Variants in HADHA observed in about 807,000 individuals in gnomAD.
The protein encoded by HADHA is trifunctional enzyme subunit alpha, mitochondrial.
HADHA carries 59 observed loss-of-function variants against 91.3 expected under a neutral mutation model. That is an observed-to-expected ratio of 0.65 (90% CI 0.52 to 0.80). HADHA has a LOEUF of 0.80. Ranked by LOEUF, HADHA falls within the 30% of genes least tolerant of loss-of-function variation. The probability of loss-of-function intolerance (pLI) is 0.00; values close to 1 mark genes in which losing one functional copy is unlikely to be tolerated. For synonymous variants in HADHA, 320 were observed against 338.9 expected (o/e 0.94, Z 0.61); for missense variants, 800 against 927.6 (o/e 0.86, Z 1.79).
chr2:26,244,172 A>C (rs1433493083), intron 1 of HADHA, among the ~76,000 whole-genome samples: 18 of 152,274 alleles, frequency 1.2e-4, no homozygotes, highest in Admixed American at 1.2e-3. Flanking sequence ...CTGTGGAGCC[A>C]CAAAGATGCG....
intron 13 of HADHA, among the ~76,000 whole-genome samples, chr2:26,198,227 C>T (rs114491034): frequency 0.018 from 2,741 of 152,210 alleles, 83 homozygotes; most frequent in African/African-American, 0.061. Context: ...TCATTTTATA[C>T]AGTGTGTTAC....
chr2:26,192,511 G>A, intron 17 of HADHA, 87 bp from the exon 18 acceptor site: 3 of 810,016 alleles, frequency 3.7e-6, no homozygotes, highest in Non-Finnish European at 6.5e-6. Flanking sequence ...GCCTGGCCAG[G>A]CGTGGTGGCT....
chr2:26,235,435 A>C (rs1167488257), intron 4 of HADHA: 1 of 152,242 alleles, frequency 6.6e-6, no homozygotes, highest in Non-Finnish European at 1.5e-5. Context: ...CTTTTGACCA[A>C]GGATAACTAG....
At chr2:26,228,047 A>G (rs1186027286) in intron 7 of HADHA, among the ~76,000 whole-genome samples, 1 of 151,794 alleles carries the variant, frequency 6.6e-6, no homozygotes, top group Non-Finnish European at 1.5e-5. Flanking sequence ...TTTTTTTTTC[A>G]AAAGCTAATA....
chr2:26,203,470 T>G (rs1484866444), intron 12 of HADHA, among the ~76,000 whole-genome samples: 1 of 152,132 alleles, frequency 6.6e-6, no homozygotes, highest in African/African-American at 2.4e-5. Flanking sequence ...GGGAATAATA[T>G]TCCCCCTTTA....
rs1011911916 is a variant in HADHA at position 26,219,616 on chromosome 2, C to T, written c.677-4441G>A. Among the ~76,000 whole-genome samples, 3 of 152,320 alleles carry T rather than the reference C, an allele frequency of 2.0e-5. No homozygotes were observed. In the East Asian group the frequency reaches 5.8e-4, roughly 29 times the overall value. The stretch of plus-strand genomic sequence containing the variant: ...AGGTCAGAAATTACAGTGGGAACTG[C>T]TACCATCAACTGGGATCCCTAAATG... On this transcript the variant is annotated intron_variant, in intron 7 of 19. Transcript: ENST00000380649.
intron 7 of HADHA, among the ~76,000 whole-genome samples, chr2:26,222,016 A>C (rs1449500901): frequency 6.6e-6 from 1 of 152,134 alleles, no homozygotes; most frequent in Non-Finnish European, 1.5e-5. Flanking sequence ...TGTCCCCCCT[A>C]CCTCATTCAT....
chr2:26,219,020 A>AG (rs1237478949), intron 7 of HADHA, among the ~76,000 whole-genome samples: 51 of 151,008 alleles, frequency 3.4e-4, no homozygotes, highest in Admixed American at 5.3e-4. Context: ...AAAAAAAAAA[A>AG]AAAGAAAGAA....
chr2:26,231,738 G>A (rs1001013296), intron 6 of HADHA, among the ~76,000 whole-genome samples: 41 of 151,904 alleles, frequency 2.7e-4, no homozygotes, highest in African/African-American at 8.5e-4. Context: ...AGGCTGAGGC[G>A]GGAGGATTAC....
rs770306077 is a variant in HADHA, at chr2:26,201,188, G to A, written c.1353C>T (p.Asp451=). 38 of 1,613,834 alleles carry A rather than the reference G, an allele frequency of 2.4e-5. No individual in the cohort carries two copies. Among genetic ancestry groups the A allele is most frequent in the African/African-American group, 4.0e-5 (3 of 75,020 alleles). The part of the protein sequence containing the change: ...ADMVIEAVFE[D]LSLKHRVLKE... The stretch of plus-strand genomic sequence containing the variant: ...TTAGCACTCTGTGCTTAAGACTAAG[G>A]TCCTCAAACACAGCTTCAATCACCA... The change falls in exon 13 of 20, where the codon GAC becomes GAT. Residue 451 remains aspartate, a synonymous_variant. Transcript: ENST00000380649.
intron 16 of HADHA, among the ~76,000 whole-genome samples, chr2:26,193,979 A>G (rs1669588033): frequency 6.6e-6 from 1 of 152,216 alleles, no homozygotes; most frequent in African/African-American, 2.4e-5. Flanking sequence ...TCTAATCTAC[A>G]GCACTTTAAG....
intron 13 of HADHA, among the ~76,000 whole-genome samples, chr2:26,199,539 C>T (rs919176855): frequency 6.6e-6 from 1 of 152,068 alleles, no homozygotes; most frequent in Non-Finnish European, 1.5e-5. Flanking sequence ...AAACATTCTT[C>T]CCTTCCTTGG....
intron 4 of HADHA, among the ~76,000 whole-genome samples, chr2:26,236,352 T>TGTGTGC (rs1386707195): frequency 9.3e-6 from 1 of 107,136 alleles, no homozygotes; most frequent in African/African-American, 3.2e-5. Flanking sequence ...TGTGTGTGTG[T>TGTGTGC]GTGTGTGTAT....
chr2:26,193,821 C>A (rs1260233636), intron 16 of HADHA, 49 bp from the exon 17 acceptor site: 1 of 1,450,174 alleles, frequency 6.9e-7, no homozygotes, highest in Non-Finnish European at 9.7e-7. Flanking sequence ...AGCCCAAATC[C>A]CCCCAAAGGG....
chr2:26,193,619 T>C lies in HADHA; in HGVS notation c.1843A>G (p.Asn615Asp), dbSNP rs61731155. Residue 615 changes from asparagine (N) to aspartate (D), a missense_variant, in exon 17 of 20, where the codon AAC becomes GAC. By Grantham distance (23) the Asn-to-Asp change is conservative. Coordinates refer to ENST00000380649, the MANE Select transcript of HADHA (RefSeq NM_000182.5). ...KVFGERFGGG[N>D]PELLTQMVSK... ...ACCATCTGTGTCAGCAGTTCTGGGT[T>C]TCCACCTCCAAACCGCTCCCCAAAG... 1,008 of 1,614,060 alleles carry C rather than the reference T, an allele frequency of 6.2e-4. 9 individuals carry two copies. The African/African-American group carries it at 0.012, about 19-fold the overall frequency.
intron 13 of HADHA, 34 bp downstream of exon 13, chr2:26,201,115 C>T (rs1669821225): frequency 1.3e-6 from 2 of 1,517,690 alleles, no homozygotes; most frequent in African/African-American, 2.7e-5. Context: ...CTGTTCACTA[C>T]ACTAGGATTC....
At chr2:26,198,972 G>A (rs1289131420) in intron 13 of HADHA, among the ~76,000 whole-genome samples, 4 of 151,236 alleles carry the variant, frequency 2.6e-5, no homozygotes, top group African/African-American at 9.7e-5. Flanking sequence ...TCAGCTCACC[G>A]CAAGCTTTGC....
At chr2:26,203,626 C>T (rs1220024975) in intron 12 of HADHA, among the ~76,000 whole-genome samples, 1 of 152,164 alleles carries the variant, frequency 6.6e-6, no homozygotes, top group East Asian at 1.9e-4. Flanking sequence ...GCAGTTACTG[C>T]CCATTTCCTT....
Position 26,210,040 on chromosome 2 carries a change from G to A in HADHA, c.976-151C>T. 1 of 690,124 alleles carries A rather than the reference G, an allele frequency of 1.4e-6. No individual in the cohort carries two copies. Among genetic ancestry groups the A allele is most frequent in the East Asian group, 2.7e-5 (1 of 37,320 alleles). The allele number at this position is 690,124 out of a possible 1,614,324, so 42.8% of individuals were successfully genotyped here. A position where few individuals can be genotyped will look rare whatever the true frequency, so the allele number is the denominator to read the frequency against. On this transcript the variant is annotated intron_variant, in intron 10 of 19. Coordinates refer to ENST00000380649, the MANE Select transcript of HADHA (RefSeq NM_000182.5). The surrounding 1 kb of genome is among the most constrained non-coding windows in gnomAD (Gnocchi z 4.0). ...GGGAGTTTGGGGGTTCAGTGCTGCAGAAGTCTGTCTCTCACTGATGTGTCT... is the reference window on the plus strand; with the variant it reads ...GGGAGTTTGGGGGTTCAGTGCTGCAAAAGTCTGTCTCTCACTGATGTGTCT...
Sources: gnomAD v4.1 joint callset for allele counts (sites outside exome capture counted in the v4.1 genomes callset) on GRCh38, gnomAD v4.1.1 for gene constraint, Gnocchi (gnomAD v3.1) non-coding constraint, MANE v1.5 for transcripts, NCBI Gene and HGNC (gene_info 2026-07-23, HGNC 2026-07-21) for gene names.